Variants in GLI3 observed in about 807,000 individuals in gnomAD.
GLI3 encodes the protein transcription activator GLI3.
Under a neutral mutation model 100.8 loss-of-function variants are expected in GLI3, and 20 were observed. That is an observed-to-expected ratio of 0.20 (90% CI 0.14 to 0.29). The LOEUF (loss-of-function observed/expected upper bound fraction) is 0.29, where lower values mean the gene tolerates loss of function less well. Ranked by LOEUF, GLI3 falls within the 10% of genes least tolerant of loss-of-function variation. The pLI is 1.00. For synonymous variants in GLI3, 938 were observed against 860.5 expected (o/e 1.09, Z -1.58); for missense variants, 2,040 against 2,128.5 (o/e 0.96, Z 0.82).
rs138104209 is a variant in GLI3, at chr7:42,040,518, T to C, written c.827-279A>G. 7.0e-4 allele frequency among the ~76,000 whole-genome samples: 107 copies of C among 152,350 alleles called. 3 individuals are homozygous for C. In the East Asian group the frequency reaches 0.02, roughly 28 times the overall value. On this transcript the variant is annotated intron_variant, in intron 6 of 14. Transcript: ENST00000395925. ...GGGAGAGATTTTTATGTGTTATCCC[T>C]TTCATTTCTGGTGATTTATGAATCT... is the stretch of plus-strand genomic sequence containing the variant.
chr7:42,132,171 G>T (rs1056418206), intron 3 of GLI3, among the ~76,000 whole-genome samples: 1 of 151,898 alleles, frequency 6.6e-6, no homozygotes, highest in Admixed American at 6.6e-5. Flanking sequence ...TTCAATCTCG[G>T]CTCACTGCAA....
chr7:42,248,249 A>G (rs1247216825), intron 1 of GLI3, among the ~76,000 whole-genome samples: 3 of 152,188 alleles, frequency 2.0e-5, no homozygotes, highest in Admixed American at 6.5e-5. Flanking sequence ...GAAGCAAATC[A>G]TCATAAAGTT....
chr7:42,221,402 T>C (rs1049289692), intron 2 of GLI3, among the ~76,000 whole-genome samples: 2 of 152,220 alleles, frequency 1.3e-5, no homozygotes, highest in Non-Finnish European at 2.9e-5. Flanking sequence ...TCTTCTGCCA[T>C]GCACTTGTTC....
chr7:42,024,453 C>T (rs1789042476), intron 9 of GLI3, among the ~76,000 whole-genome samples: 1 of 152,142 alleles, frequency 6.6e-6, no homozygotes, highest in Non-Finnish European at 1.5e-5. Flanking sequence ...TTTACTCCAG[C>T]CTCCACGTTC....
Position 41,964,897 on chromosome 7 carries a change from G to A in GLI3, c.4176C>T (p.Ser1392=), listed in dbSNP as rs148622689. Residue 1392 remains serine (S), a synonymous_variant, in exon 15 of 15, where the codon AGC becomes AGT. Transcript: ENST00000395925. ...GYQPCASFGG[S]RRQAMPRDSL... ...TGTCCCTCGGCATAGCCTGGCGCCT[G>A]CTGCCCCCAAAGCTGGCACATGGCT... The A allele has an allele frequency of 1.9e-6, 3 of 1,613,784 alleles. No individual in the cohort carries two copies. Among genetic ancestry groups the A allele is most frequent in the African/African-American group, 2.7e-5 (2 of 75,056 alleles).
chr7:41,981,835 G>A (rs1442119589), intron 10 of GLI3, among the ~76,000 whole-genome samples: 6 of 152,276 alleles, frequency 3.9e-5, no homozygotes, highest in Middle Eastern at 3.4e-3. Flanking sequence ...GGCAACCAGC[G>A]GAGGAGGGCA....
Position 42,083,923 on chromosome 7 carries a change from A to G in GLI3, c.368-7066T>C, listed in dbSNP as rs553907180. Among the ~76,000 whole-genome samples the G allele has an allele frequency of 5.3e-5, 8 of 152,358 alleles. No individual in the cohort carries two copies. In the South Asian group the frequency reaches 1.7e-3, roughly 32 times the overall value. On this transcript the variant is annotated intron_variant, in intron 3 of 14. Coordinates refer to ENST00000395925, the MANE Select transcript of GLI3 (RefSeq NM_000168.6). ...AATAATAGCAGTAGCTAAGCATTTG[A>G]AAATTGAAGTTACCTTATAAATTAA...
chr7:42,003,128 A>G (rs1425922446), intron 10 of GLI3, among the ~76,000 whole-genome samples: 1 of 152,260 alleles, frequency 6.6e-6, no homozygotes, highest in East Asian at 1.9e-4. Flanking sequence ...TTGTTGAGCA[A>G]TAAGGAATTA....
At chr7:42,066,301 C>T (rs1415615796) in intron 4 of GLI3, among the ~76,000 whole-genome samples, 1 of 152,130 alleles carries the variant, frequency 6.6e-6, no homozygotes, top group African/African-American at 2.4e-5. Flanking sequence ...CTCCAATACA[C>T]TCGGGGGAAG....
chr7:41,996,786 G>A (rs17640127), intron 10 of GLI3, among the ~76,000 whole-genome samples: 1 of 152,078 alleles, frequency 6.6e-6, no homozygotes, highest in Non-Finnish European at 1.5e-5. Flanking sequence ...TTCTACTTAA[G>A]GTCTTCTGGA....
intron 2 of GLI3, among the ~76,000 whole-genome samples, chr7:42,179,915 G>A (rs2128681210): frequency 6.6e-6 from 1 of 152,342 alleles, no homozygotes; most frequent in East Asian, 1.9e-4. Flanking sequence ...TATCCAAACA[G>A]AAGTGTCTGA....
intron 4 of GLI3, among the ~76,000 whole-genome samples, chr7:42,058,583 C>G (rs1203843541): frequency 6.6e-6 from 1 of 152,134 alleles, no homozygotes; most frequent in African/African-American, 2.4e-5. Context: ...CAAAAATAGT[C>G]TAGCTGACAC....
intron 1 of GLI3, among the ~76,000 whole-genome samples, chr7:42,244,586 T>G (rs1034912855): frequency 2.0e-5 from 3 of 152,118 alleles, no homozygotes; most frequent in South Asian, 2.1e-4. Flanking sequence ...GAGAATTGAG[T>G]AAATTATCTT....
At chr7:42,000,362 T>C (rs893374527) in intron 10 of GLI3, among the ~76,000 whole-genome samples, 1 of 152,122 alleles carries the variant, frequency 6.6e-6, no homozygotes, top group African/African-American at 2.4e-5. Context: ...CAATGTAAAA[T>C]AAATCAGAAA....
intron 2 of GLI3, among the ~76,000 whole-genome samples, chr7:42,205,432 C>T (rs1788130018): frequency 6.6e-6 from 1 of 152,174 alleles, no homozygotes; most frequent in Non-Finnish European, 1.5e-5. Context: ...ACAGCCTCAA[C>T]CCACTCCTAA....
chr7:42,199,308 G>T (rs1403991840), intron 2 of GLI3, among the ~76,000 whole-genome samples: 3 of 152,154 alleles, frequency 2.0e-5, no homozygotes, highest in African/African-American at 7.2e-5. Flanking sequence ...ACAGACATTA[G>T]TATGCAAGGT....
At chr7:42,063,572 G>A (rs1784614501) in intron 4 of GLI3, among the ~76,000 whole-genome samples, 1 of 152,242 alleles carries the variant, frequency 6.6e-6, no homozygotes, top group South Asian at 2.1e-4. Context: ...TCACCAATAA[G>A]CAATTGTAAA....
At chr7:41,979,602 T>C (rs1194959200) in intron 10 of GLI3, among the ~76,000 whole-genome samples, 5 of 152,248 alleles carry the variant, frequency 3.3e-5, no homozygotes, top group African/African-American at 1.2e-4. Context: ...GAGAAGCTTC[T>C]TAATTTGAAT....
At chr7:41,994,324 TTC>T (rs1286927491) in intron 10 of GLI3, among the ~76,000 whole-genome samples, 1 of 152,198 alleles carries the variant, frequency 6.6e-6, no homozygotes, top group Non-Finnish European at 1.5e-5. Flanking sequence ...AAGGGCATAT[TTC>T]CTCCTTAATC....
Sources: gnomAD v4.1 joint callset for allele counts (sites outside exome capture counted in the v4.1 genomes callset) on GRCh38, gnomAD v4.1.1 for gene constraint, MANE v1.5 for transcripts, NCBI Gene and HGNC (gene_info 2026-07-23, HGNC 2026-07-21) for gene names.